The following ZNF254 variants were observed in gnomAD, a reference collection of about 807,000 sequenced individuals.
ZNF254 encodes the protein zinc finger protein 254.
A neutral mutation model predicts 12.4 loss-of-function variants in ZNF254; 10 were observed. The ratio of observed to expected loss-of-function variants is 0.80; its 90% CI spans 0.50 to 1.36. The LOEUF is 1.36. Among genes scored for constraint, ZNF254 ranks in the 40% most tolerant of loss-of-function variants. The pLI, the probability that ZNF254 is intolerant of heterozygous loss-of-function variation, is 0.00. For missense variants in ZNF254, 996 were observed against 763.9 expected (o/e 1.30, Z -3.58); for synonymous variants, 305 against 253.4 (o/e 1.20, Z -1.93).
chr19:24,048,113 A>G (rs1358332697), intron 2 of ZNF254, among the ~76,000 whole-genome samples: 13 of 142,116 alleles, frequency 9.1e-5, no homozygotes, highest in African/African-American at 2.4e-4. Flanking sequence ...CGAGCTCCAC[A>G]CGTGGCCTGC....
intron 3 of ZNF254, among the ~76,000 whole-genome samples, chr19:24,113,639 C>T (rs759654511): frequency 9.2e-5 from 14 of 152,146 alleles, no homozygotes; most frequent in Non-Finnish European, 2.9e-5. Flanking sequence ...CAGGGATGCC[C>T]TCTCTCAACA....
intron 1 of ZNF254, among the ~76,000 whole-genome samples, chr19:24,089,369 A>G (rs114219881): frequency 0.021 from 3,209 of 152,326 alleles, 121 homozygotes; most frequent in African/African-American, 0.073. Flanking sequence ...AGCAAAGAAT[A>G]ATCTCCTGAC....
At chr19:24,089,209 C>T (rs1017885555) in intron 1 of ZNF254, among the ~76,000 whole-genome samples, 4 of 152,106 alleles carry the variant, frequency 2.6e-5, no homozygotes, top group African/African-American at 7.2e-5. Context: ...CTCCCGACCT[C>T]GGGTGATACG....
At chr19:24,080,993 C>T (rs1327585520) in intron 2 of ZNF254, among the ~76,000 whole-genome samples, 1 of 150,938 alleles carries the variant, frequency 6.6e-6, no homozygotes, top group Admixed American at 6.6e-5. Flanking sequence ...AAGAGATTCA[C>T]ATAAACCCGG....
At chr19:24,117,641 A>G (rs929238411) in intron 3 of ZNF254, among the ~76,000 whole-genome samples, 1 of 151,998 alleles carries the variant, frequency 6.6e-6, no homozygotes, top group African/African-American at 2.4e-5. Context: ...GACCCCTTGC[A>G]CTTCCTGAGT....
chr19:24,102,053 C>T (rs1973063681), intron 1 of ZNF254, among the ~76,000 whole-genome samples: 1 of 152,064 alleles, frequency 6.6e-6, no homozygotes, highest in African/African-American at 2.4e-5. Flanking sequence ...AGTCATGGTC[C>T]CTACCATGCA....
chr19:24,082,213 T>A (rs191734915), upstream of ZNF254, among the ~76,000 whole-genome samples: 1 of 151,856 alleles, frequency 6.6e-6, no homozygotes, highest in African/African-American at 2.4e-5. Context: ...GCAGAGCACA[T>A]CTCCTCATAG....
intron 1 of ZNF254, among the ~76,000 whole-genome samples, chr19:24,090,349 A>G (rs1972299887): frequency 1.3e-5 from 2 of 152,160 alleles, no homozygotes; most frequent in South Asian, 4.1e-4. Context: ...GGGGTGGGAC[A>G]GTCTCTCAAG....
At chr19:24,057,132 C>T (rs1268882256) in intron 2 of ZNF254, among the ~76,000 whole-genome samples, 5 of 152,130 alleles carry the variant, frequency 3.3e-5, no homozygotes, top group Non-Finnish European at 4.4e-5. Context: ...GTATAAAGTC[C>T]TCAAGTGGTA....
chr19:24,085,952 A>T (rs1190636018), upstream of ZNF254, among the ~76,000 whole-genome samples: 1 of 152,148 alleles, frequency 6.6e-6, no homozygotes, highest in African/African-American at 2.4e-5. Flanking sequence ...CACGCCTGTA[A>T]TCCCAGTAAT....
chr19:24,071,172 A>G (rs1971466916), intron 2 of ZNF254, among the ~76,000 whole-genome samples: 1 of 152,138 alleles, frequency 6.6e-6, no homozygotes, highest in South Asian at 2.1e-4. Context: ...CGACTTTTAC[A>G]TAGGCTTTTC....
chr19:24,104,004 C>G (rs1317155358), intron 1 of ZNF254: 2 of 152,000 alleles, frequency 1.3e-5, no homozygotes, highest in Non-Finnish European at 2.9e-5. Context: ...GGATCACAGG[C>G]GTGAGACACC....
At position 24,127,874 on chromosome 19, in the gene ZNF254, C is replaced by T. The variant is rs373395030; in HGVS notation, c.1874C>T (p.Thr625Ile). The stretch of plus-strand genomic sequence containing the variant: ...CTAACTAAACATAAGAGAATTCATA[C>T]TGGAGAGCAACCCTACAAATGGGAA... Reference protein sequence around the residue: ...STLTKHKRIHTGEQPYKWEKF... With the variant: ...STLTKHKRIHIGEQPYKWEKF... The change falls in exon 4 of 4, where the codon ACT (threonine) becomes ATT (isoleucine). Residue 625 changes from threonine to isoleucine, a missense_variant. By Grantham distance (89) the Thr-to-Ile change is moderately conservative (BLOSUM62 -1). Coordinates refer to ENST00000357002, the MANE Select transcript of ZNF254 (RefSeq NM_203282.4). The T allele has an allele frequency of 3.1e-6, 5 of 1,613,172 alleles. No individual in the cohort carries two copies. Among genetic ancestry groups the T allele is most frequent in the Non-Finnish European group, 3.4e-6 (4 of 1,179,686 alleles).
At chr19:24,065,056 T>C (rs937295361) in intron 2 of ZNF254, among the ~76,000 whole-genome samples, 4 of 152,144 alleles carry the variant, frequency 2.6e-5, no homozygotes, top group African/African-American at 9.7e-5. Flanking sequence ...CATATTTTGG[T>C]TATTGTGACA....
chr19:24,068,981 A>T (rs1485501278), intron 2 of ZNF254, among the ~76,000 whole-genome samples: 1 of 152,084 alleles, frequency 6.6e-6, no homozygotes, highest in African/African-American at 2.4e-5. Flanking sequence ...TCATCAAGGG[A>T]CAAAAACACT....
chr19:24,048,947 C>G (rs897794612), intron 2 of ZNF254: 1 of 151,622 alleles, frequency 6.6e-6, no homozygotes, highest in Non-Finnish European at 1.5e-5. Context: ...AGATGGGGTT[C>G]CATCATGTTT....
rs1555753129 is a variant in ZNF254 at position 24,055,232 on chromosome 19, A to AAAAAAAAAAAAG, written c.-94+8953_-94+8954insAAAAAAAAAAAG. ...AAAAAAAAAAAAAAAAAAAAAAAAA[A>AAAAAAAAAAAAG]GAGTGTACTAACAAGACCCAGCACA... On this transcript the variant is annotated intron_variant, in intron 2 of 4. Transcript: ENST00000613065. 2.5e-3 allele frequency among the ~76,000 whole-genome samples: 309 copies of AAAAAAAAAAAAG among 122,612 alleles called. 13 individuals carry two copies. The highest frequency in any genetic ancestry group is 3.2e-3 in the Non-Finnish European group (176 of 55,416). 80.4% of individuals were successfully genotyped at this position (122,612 alleles called of 152,430 possible). A position where few individuals can be genotyped will look rare whatever the true frequency, so the allele number is the denominator to read the frequency against.
chr19:24,049,212 A>ATT (rs1179977299), intron 2 of ZNF254, among the ~76,000 whole-genome samples: 313 of 42,124 alleles, frequency 7.4e-3, no homozygotes, highest in Middle Eastern at 0.019. Flanking sequence ...ATATATATAT[A>ATT]TATTTTTTTT....
At chr19:24,081,609 G>T (rs943776129) in intron 2 of ZNF254, among the ~76,000 whole-genome samples, 2 of 152,178 alleles carry the variant, frequency 1.3e-5, no homozygotes, top group South Asian at 2.1e-4. Context: ...TGAACTATAT[G>T]CCTGGAACAA....
Sources: gnomAD v4.1 joint callset for allele counts (sites outside exome capture counted in the v4.1 genomes callset) on GRCh38, gnomAD v4.1.1 for gene constraint, MANE v1.5 for transcripts, NCBI Gene and HGNC (gene_info 2026-07-23, HGNC 2026-07-21) for gene names.